PTPRT: variants seen among roughly 807,000 people sequenced by gnomAD.
PTPRT encodes protein tyrosine phosphatase receptor type T.
A neutral mutation model predicts 176.8 loss-of-function variants in PTPRT; 56 were observed. The ratio of observed to expected loss-of-function variants is 0.32; its 90% CI spans 0.26 to 0.40. The LOEUF is 0.40. PTPRT is among the 10% of genes least tolerant of loss of function. PTPRT has a pLI of 1.00. For synonymous variants in PTPRT, 783 were observed against 739.0 expected (o/e 1.06, Z -0.96); for missense variants, 1,540 against 1,908.2 (o/e 0.81, Z 3.60).
chr20:42,632,551 C>T (rs1391692004), intron 7 of PTPRT, among the ~76,000 whole-genome samples: 4 of 151,744 alleles, frequency 2.6e-5, no homozygotes, highest in Non-Finnish European at 5.9e-5. Context: ...TAAAACCAGC[C>T]GTTCACTGTT....
intron 6 of PTPRT, chr20:42,688,434 T>C (rs992967034): frequency 1.3e-5 from 2 of 152,222 alleles, no homozygotes; most frequent in Non-Finnish European, 2.9e-5. Flanking sequence ...TTCCATTTTG[T>C]TACCCCAGCC....
At chr20:42,441,623 C>G (rs757229315) in intron 9 of PTPRT, among the ~76,000 whole-genome samples, 34 of 152,104 alleles carry the variant, frequency 2.2e-4, no homozygotes, top group Non-Finnish European at 4.4e-4. Context: ...CAGGGAGGAA[C>G]TGAAATGCTC....
At chr20:42,930,274 C>G (rs958349732) in intron 1 of PTPRT, among the ~76,000 whole-genome samples, 8 of 152,152 alleles carry the variant, frequency 5.3e-5, no homozygotes, top group African/African-American at 1.9e-4. Flanking sequence ...ATGCCAACAT[C>G]ATCATCAGCT....
At chr20:42,849,080 C>T (rs2078427199) in intron 2 of PTPRT, among the ~76,000 whole-genome samples, 2 of 152,130 alleles carry the variant, frequency 1.3e-5, no homozygotes, top group South Asian at 2.1e-4. Flanking sequence ...TGTCCTTTCC[C>T]CACTTTATGT....
chr20:42,051,960 C>G, the PTPRT span, among the ~76,000 whole-genome samples: 1 of 152,198 alleles, frequency 6.6e-6, no homozygotes, highest in Non-Finnish European at 1.5e-5. Context: ...GGAATTTCCT[C>G]GAGACCTGGC....
chr20:42,223,240 G>A lies in PTPRT; in HGVS notation c.2342+12989C>T, dbSNP rs114510896. 3.2e-3 allele frequency among the ~76,000 whole-genome samples: 492 copies of A among 152,192 alleles called. 2 individuals are homozygous for A. The highest frequency in any genetic ancestry group is 0.011 in the African/African-American group (470 of 41,530). ...ACAAGGTACTGAGCACCTACTACGC[G>A]CCAGATATAAAAACCAGATGTCGTA... On this transcript the variant is annotated intron_variant, in intron 15 of 30. Coordinates refer to ENST00000373187, the MANE Select transcript of PTPRT (RefSeq NM_007050.6).
intron 1 of PTPRT, among the ~76,000 whole-genome samples, chr20:42,910,956 G>C (rs2079536039): frequency 6.6e-6 from 1 of 152,160 alleles, no homozygotes; most frequent in Admixed American, 6.5e-5. Flanking sequence ...GGAAGGAGAA[G>C]TGCCGAGCAA....
intron 12 of PTPRT, among the ~76,000 whole-genome samples, chr20:42,307,778 T>G (rs2057565536): frequency 6.6e-6 from 1 of 152,164 alleles, no homozygotes; most frequent in Non-Finnish European, 1.5e-5. Flanking sequence ...GGCTGAGACC[T>G]ACTGGGCTGT....
intron 15 of PTPRT, among the ~76,000 whole-genome samples, chr20:42,218,417 T>A (rs2146775846): frequency 6.6e-6 from 1 of 152,334 alleles, no homozygotes; most frequent in East Asian, 1.9e-4. Context: ...TGATCCTAAT[T>A]TCTAAGTAGT....
chr20:42,645,764 A>ATATGTGTGTGTG (rs2074879203), intron 7 of PTPRT, among the ~76,000 whole-genome samples: 1 of 139,480 alleles, frequency 7.2e-6, no homozygotes, highest in African/African-American at 2.6e-5. Flanking sequence ...ATGTGTATTT[A>ATATGTGTGTGTG]TGTGTGTGTG....
intron 1 of PTPRT, among the ~76,000 whole-genome samples, chr20:43,002,356 TA>T (rs1213870224): frequency 1.0e-5 from 1 of 99,356 alleles, no homozygotes; most frequent in Admixed American, 1.0e-4. Flanking sequence ...AGAAAGATAA[TA>T]AGTATTAACG....
intron 9 of PTPRT, among the ~76,000 whole-genome samples, chr20:42,415,591 C>T (rs894150756): frequency 2.0e-5 from 3 of 152,096 alleles, no homozygotes; most frequent in Non-Finnish European, 4.4e-5. Context: ...TAGTAATGAC[C>T]TCAGATGGTT....
intron 1 of PTPRT, among the ~76,000 whole-genome samples, chr20:43,041,514 A>AACATG (rs1189407062): frequency 1.3e-5 from 2 of 152,198 alleles, no homozygotes; most frequent in Non-Finnish European, 2.9e-5. Flanking sequence ...CAAAGCCAGC[A>AACATG]ACATTGAGTT....
chr20:42,520,849 A>G (rs1210675129), intron 7 of PTPRT, among the ~76,000 whole-genome samples: 1 of 129,766 alleles, frequency 7.7e-6, no homozygotes, highest in African/African-American at 3.2e-5. Context: ...GTGTAGATAG[A>G]TAGATAGATA....
intron 7 of PTPRT, among the ~76,000 whole-genome samples, chr20:42,497,236 A>G (rs868750573): frequency 2.9e-4 from 44 of 152,148 alleles, no homozygotes; most frequent in African/African-American, 1.0e-3. Flanking sequence ...GATTTAGCAC[A>G]TCTCTTCCTG....
chr20:42,830,611 A>G (rs1283090156), intron 2 of PTPRT, among the ~76,000 whole-genome samples: 21 of 152,204 alleles, frequency 1.4e-4, no homozygotes, highest in Non-Finnish European at 2.9e-5. Context: ...ATAAGCCAAG[A>G]GGAAGAAATA....
At chr20:42,070,418 G>A (rs1223700070), downstream of PTPRT, among the ~76,000 whole-genome samples, 1 of 151,824 alleles carries the variant, frequency 6.6e-6, no homozygotes, top group Non-Finnish European at 1.5e-5. Flanking sequence ...AAAGAGAGCT[G>A]TGCCAGTATC....
intron 2 of PTPRT, among the ~76,000 whole-genome samples, chr20:42,839,602 A>C (rs190773189): frequency 1.0e-3 from 158 of 152,270 alleles, no homozygotes; most frequent in Admixed American, 3.3e-3. Context: ...AAATAAGGGA[A>C]AGCAGCGATT....
chr20:42,868,702 G>A (rs1232287807), intron 2 of PTPRT, among the ~76,000 whole-genome samples: 2 of 152,186 alleles, frequency 1.3e-5, no homozygotes, highest in African/African-American at 4.8e-5. Context: ...TGGGTGTAAG[G>A]AAGCCAGATG....
Sources: gnomAD v4.1 joint callset for allele counts (sites outside exome capture counted in the v4.1 genomes callset) on GRCh38, gnomAD v4.1.1 for gene constraint, MANE v1.5 for transcripts, NCBI Gene and HGNC (gene_info 2026-07-23, HGNC 2026-07-21) for gene names.